FHOD3: variants seen among roughly 807,000 people sequenced by gnomAD.
FHOD3 encodes FH1/FH2 domain-containing protein 3.
In FHOD3, 90 loss-of-function variants were observed where a neutral mutation model predicts 173.0. The observed-to-expected ratio is 0.52, with a 90% CI of 0.44 to 0.62. FHOD3 has a LOEUF of 0.62. FHOD3 is among the 20% of genes least tolerant of loss of function. The pLI is 0.00. For missense variants in FHOD3, 1,945 were observed against 2,034.7 expected (o/e 0.96, Z 0.85); for synonymous variants, 828 against 823.0 (o/e 1.01, Z -0.10).
intron 21 of FHOD3, 34 bp downstream of exon 21, chr18:36,740,872 C>T: frequency 1.3e-6 from 2 of 1,585,924 alleles, no homozygotes; most frequent in Non-Finnish European, 1.7e-6. Context: ...GCTGATCCCA[C>T]ATCCACAGTG....
chr18:36,546,420 T>A (rs2057412136), intron 5 of FHOD3, among the ~76,000 whole-genome samples: 1 of 152,236 alleles, frequency 6.6e-6, no homozygotes, highest in Admixed American at 6.5e-5. Flanking sequence ...AAAGTGACTT[T>A]ATGTATGTTT....
chr18:36,505,309 AGT>A (rs1466305527), intron 4 of FHOD3, among the ~76,000 whole-genome samples: 1 of 152,266 alleles, frequency 6.6e-6, no homozygotes, highest in Non-Finnish European at 1.5e-5. Context: ...CAGTGGCGTA[AGT>A]GTGAACTGTC....
chr18:36,494,583 A>G (rs1429439831), intron 3 of FHOD3, among the ~76,000 whole-genome samples: 1 of 152,226 alleles, frequency 6.6e-6, no homozygotes, highest in Non-Finnish European at 1.5e-5. Context: ...TGCAAGCTGT[A>G]CTTAACCTAA....
At chr18:36,467,156 C>A (rs2052992351) in intron 3 of FHOD3, among the ~76,000 whole-genome samples, 1 of 152,102 alleles carries the variant, frequency 6.6e-6, no homozygotes, top group Non-Finnish European at 1.5e-5. Context: ...TTGCGAGAGA[C>A]CCTGGGAAGG....
chr18:36,639,059 G>T (rs1239318245), intron 10 of FHOD3, among the ~76,000 whole-genome samples: 1 of 152,114 alleles, frequency 6.6e-6, no homozygotes, highest in Non-Finnish European at 1.5e-5. Context: ...ATCCACCAAG[G>T]TCTTGGGACA....
chr18:36,638,779 C>T (rs1162678564), intron 10 of FHOD3, among the ~76,000 whole-genome samples: 3 of 152,138 alleles, frequency 2.0e-5, no homozygotes, highest in African/African-American at 7.2e-5. Flanking sequence ...AGGCAGGAAG[C>T]GTTGAGGCAT....
chr18:36,385,791 C>T (rs1158646650), intron 3 of FHOD3, among the ~76,000 whole-genome samples: 1 of 152,204 alleles, frequency 6.6e-6, no homozygotes, highest in African/African-American at 2.4e-5. Context: ...CTCTCATCTT[C>T]ATGGAAATGA....
intron 3 of FHOD3, among the ~76,000 whole-genome samples, chr18:36,406,089 G>GT (rs763484942): frequency 0.11 from 15,129 of 135,416 alleles, 1,232 homozygotes; most frequent in East Asian, 0.45. Context: ...TTTTGTTTTT[G>GT]TTTTTGTTTT....
chr18:36,748,340 T>C (rs1398824705), intron 24 of FHOD3, among the ~76,000 whole-genome samples: 1 of 149,504 alleles, frequency 6.7e-6, no homozygotes, highest in African/African-American at 2.5e-5. Context: ...TGCAAGCAAT[T>C]CCCCATTTAA....
intron 3 of FHOD3, among the ~76,000 whole-genome samples, chr18:36,396,527 C>T (rs1598959516): frequency 6.6e-6 from 1 of 152,110 alleles, no homozygotes; most frequent in Non-Finnish European, 1.5e-5. Flanking sequence ...TTTATCATTT[C>T]TTTAATGACT....
At chr18:36,727,128 G>A (rs2041117371) in intron 19 of FHOD3, among the ~76,000 whole-genome samples, 2 of 152,148 alleles carry the variant, frequency 1.3e-5, no homozygotes, top group African/African-American at 4.8e-5. Flanking sequence ...AGTATGGATG[G>A]GGATGAGACG....
chr18:36,742,706 C>T (rs778129408), intron 21 of FHOD3, 31 bp from the exon 22 acceptor site: 1 of 1,599,458 alleles, frequency 6.3e-7, no homozygotes, highest in East Asian at 2.2e-5. Flanking sequence ...ATTGTACACT[C>T]TTTATTGTCT....
chr18:36,297,860 C>A lies in FHOD3; in HGVS notation c.25C>A (p.Gln9Lys). Residue 9 changes from glutamine (Q) to lysine (K), a missense_variant, in exon 1 of 29, where the codon CAG becomes AAG. Transcript: ENST00000590592. ...CATGGCCACGCTGGCTTGCCGGGTG[C>A]AGTTCTTGGACGACACGGACCCTTT... MATLACRV[Q>K]FLDDTDPFNS... is the part of the protein sequence containing the mutation. 1.3e-6 allele frequency: 2 copies of A among 1,537,752 alleles called. No individual in the cohort carries two copies. The highest frequency in any genetic ancestry group is 1.8e-6 in the Non-Finnish European group (2 of 1,142,320).
chr18:36,616,712 A>G (rs1187716303), intron 9 of FHOD3, among the ~76,000 whole-genome samples: 1 of 152,232 alleles, frequency 6.6e-6, no homozygotes, highest in Non-Finnish European at 1.5e-5. Flanking sequence ...TACTACTCCT[A>G]TCCCCAGTAT....
intron 2 of FHOD3, among the ~76,000 whole-genome samples, chr18:36,361,136 A>G (rs2046590739): frequency 6.6e-6 from 1 of 152,062 alleles, no homozygotes; most frequent in Non-Finnish European, 1.5e-5. Context: ...CTTGTGGCTA[A>G]TCAGTGACAG....
At chr18:36,397,135 T>C (rs1034508932) in intron 3 of FHOD3, among the ~76,000 whole-genome samples, 1 of 152,234 alleles carries the variant, frequency 6.6e-6, no homozygotes, top group Non-Finnish European at 1.5e-5. Context: ...GTCCAAACCA[T>C]GGGACCATTG....
At chr18:36,455,147 A>G (rs188571203) in intron 3 of FHOD3, among the ~76,000 whole-genome samples, 8 of 152,224 alleles carry the variant, frequency 5.3e-5, no homozygotes, top group Admixed American at 5.2e-4. Context: ...CCAATCTGCC[A>G]TGTTAAACTC....
intron 17 of FHOD3, among the ~76,000 whole-genome samples, chr18:36,697,721 C>T (rs968580436): frequency 6.6e-5 from 10 of 152,172 alleles, no homozygotes; most frequent in Non-Finnish European, 8.8e-5. Context: ...GTCACAGATG[C>T]AGGCATTTAA....
At chr18:36,377,857 TCCAGGCCCTGGAC>T (rs1340424582) in intron 3 of FHOD3, among the ~76,000 whole-genome samples, 5 of 152,146 alleles carry the variant, frequency 3.3e-5, no homozygotes, top group Admixed American at 1.3e-4. Flanking sequence ...TTTCATTGAC[TCCAGGCCCTGGAC>T]CTGGGCTTCT....
Sources: allele counts gnomAD v4.1 joint callset (sites outside exome capture counted in the v4.1 genomes callset), GRCh38; gene constraint gnomAD v4.1.1; transcripts MANE v1.5; gene names NCBI Gene and HGNC (gene_info 2026-07-23, HGNC 2026-07-21).